Variants in ELF1 observed in about 807,000 individuals in gnomAD.
ELF1 encodes E74 like ETS transcription factor 1.
In ELF1, 24 loss-of-function variants were observed where a neutral mutation model predicts 59.9. The ratio of observed to expected loss-of-function variants is 0.40; its 90% confidence interval spans 0.29 to 0.56. ELF1 has a LOEUF of 0.56. Ranked by LOEUF, ELF1 falls within the 20% of genes least tolerant of loss-of-function variation. The pLI is 0.44. For synonymous variants in ELF1, 248 were observed against 266.2 expected (o/e 0.93, Z 0.67); for missense variants, 627 against 742.2 (o/e 0.84, Z 1.80).
Position 40,943,901 on chromosome 13 carries a change from G to C in ELF1, c.554C>G (p.Pro185Arg). Residue 185 changes from proline to arginine, a missense_variant, in exon 6 of 9, where the codon CCA becomes CGA. Physicochemically the swap from Pro to Arg is moderately radical, Grantham distance 103 (BLOSUM62 -2). This residue lies in a region of ELF1 where 232 missense variants were observed against 269.2 expected (regional missense o/e 0.86). Coordinates refer to ENST00000239882, the MANE Select transcript of ELF1 (RefSeq NM_172373.4). Reference sequence around the variant, plus strand: ...ATTTGGCGTAGTGGCTGGGGAATCTGGTCGTGGTGGTTTAGTTTTTCTTCC... The same window carrying C: ...ATTTGGCGTAGTGGCTGGGGAATCTCGTCGTGGTGGTTTAGTTTTTCTTCC... ...KKGRKTKPPR[P>R]DSPATTPNIS... 1 of 1,613,654 alleles carries C rather than the reference G, an allele frequency of 6.2e-7. No homozygotes were observed. The highest frequency in any genetic ancestry group is 8.5e-7 in the Non-Finnish European group (1 of 1,179,774).
chr13:41,036,529 T>G (rs1876387117), intron 1 of ELF1, among the ~76,000 whole-genome samples: 1 of 152,208 alleles, frequency 6.6e-6, no homozygotes, highest in Admixed American at 6.5e-5. Flanking sequence ...GTTCAACCAT[T>G]GTGGAAGACA....
intron 1 of ELF1, among the ~76,000 whole-genome samples, chr13:40,988,664 A>G (rs1055519014): frequency 3.9e-5 from 6 of 152,218 alleles, no homozygotes; most frequent in Admixed American, 3.3e-4. Flanking sequence ...TTACTATATC[A>G]TATCATCTTG....
chr13:41,016,309 G>T (rs1875357572), intron 1 of ELF1, among the ~76,000 whole-genome samples: 1 of 152,138 alleles, frequency 6.6e-6, no homozygotes, highest in Non-Finnish European at 1.5e-5. Flanking sequence ...CAGCAGTTAT[G>T]CATAAACCAT....
chr13:41,024,956 C>A (rs1033780348), intron 1 of ELF1, among the ~76,000 whole-genome samples: 5 of 152,122 alleles, frequency 3.3e-5, no homozygotes, highest in African/African-American at 1.2e-4. Context: ...TTAAATTCAC[C>A]CATCACTCTG....
chr13:40,945,576 T>C (rs951217609), intron 5 of ELF1, among the ~76,000 whole-genome samples: 1 of 152,230 alleles, frequency 6.6e-6, no homozygotes, highest in Admixed American at 6.5e-5. Context: ...AGATTTATTG[T>C]AGCTGAACTA....
At chr13:41,024,005 C>G (rs998333960), upstream of ELF1, among the ~76,000 whole-genome samples, 1 of 152,126 alleles carries the variant, frequency 6.6e-6, no homozygotes, top group African/African-American at 2.4e-5. Context: ...CTGGGTATTA[C>G]TGTTTCCTCT....
At chr13:41,006,181 G>C (rs1874745659) in intron 1 of ELF1, among the ~76,000 whole-genome samples, 1 of 139,834 alleles carries the variant, frequency 7.2e-6, no homozygotes, top group African/African-American at 2.5e-5. Context: ...TTTTTACCCA[G>C]TATTTTTCAA....
intron 1 of ELF1, among the ~76,000 whole-genome samples, chr13:41,029,050 G>C (rs1876062922): frequency 6.6e-6 from 1 of 152,068 alleles, no homozygotes; most frequent in Non-Finnish European, 1.5e-5. Context: ...GCCAAGTATT[G>C]TTAATTTTAC....
chr13:40,987,585 A>AG (rs1491411759), intron 1 of ELF1, among the ~76,000 whole-genome samples: 1 of 10,732 alleles, frequency 9.3e-5, no homozygotes, highest in Non-Finnish European at 1.6e-4. Flanking sequence ...ACTCTGTCTC[A>AG]AAAAAAAAAA....
intron 1 of ELF1, among the ~76,000 whole-genome samples, chr13:41,003,449 A>C (rs1420049895): frequency 6.6e-6 from 1 of 151,722 alleles, no homozygotes; most frequent in Non-Finnish European, 1.5e-5. Flanking sequence ...TTAAAAAGAC[A>C]TAGTAACTTC....
intron 1 of ELF1, among the ~76,000 whole-genome samples, chr13:41,060,507 AG>A (rs1877496604): frequency 6.6e-6 from 1 of 152,070 alleles, no homozygotes; most frequent in Admixed American, 6.5e-5. Flanking sequence ...CAGCCCCGTG[AG>A]CCGGAGGCGG....
intron 1 of ELF1, among the ~76,000 whole-genome samples, chr13:41,000,147 C>T (rs1319457934): frequency 1.3e-5 from 2 of 150,150 alleles, no homozygotes; most frequent in African/African-American, 4.9e-5. Flanking sequence ...CACCAGCATT[C>T]ACAAAATCTT....
At chr13:41,021,954 T>C (rs1278503032), upstream of ELF1, among the ~76,000 whole-genome samples, 1 of 152,202 alleles carries the variant, frequency 6.6e-6, no homozygotes, top group East Asian at 1.9e-4. Flanking sequence ...CTCTCATATA[T>C]TGCTGGTGGG....
chr13:40,972,577 T>C lies in ELF1; in HGVS notation c.72+9406A>G, dbSNP rs371655625. Among the ~76,000 whole-genome samples the C allele has an allele frequency of 9.6e-4, 146 of 152,340 alleles. 1 individual carries two copies. In the South Asian group the frequency reaches 0.017, roughly 17 times the overall value. Reference sequence around the variant, plus strand: ...TTATCCAGTGTAAGACAAGAGCTATTAAAGCTTTTTCTTGATTTATCTCAG... The same window carrying C: ...TTATCCAGTGTAAGACAAGAGCTATCAAAGCTTTTTCTTGATTTATCTCAG... On this transcript the variant is annotated intron_variant, in intron 2 of 8. Coordinates refer to ENST00000239882, the MANE Select transcript of ELF1 (RefSeq NM_172373.4).
At chr13:41,041,239 A>G (rs527592560) in intron 1 of ELF1, among the ~76,000 whole-genome samples, 1 of 150,282 alleles carries the variant, frequency 6.7e-6, no homozygotes, top group Non-Finnish European at 1.5e-5. Flanking sequence ...AGTAAGAAAA[A>G]AAGGATCAAG....
intron 5 of ELF1, among the ~76,000 whole-genome samples, chr13:40,944,542 C>T (rs1166541885): frequency 6.6e-6 from 1 of 152,154 alleles, no homozygotes; most frequent in East Asian, 1.9e-4. Context: ...TCACAACAAA[C>T]TTCATAGTTA....
At chr13:40,943,661 C>T (rs76099829) in intron 6 of ELF1, among the ~76,000 whole-genome samples, 181 bp downstream of exon 6, 1,639 of 152,234 alleles carry the variant, frequency 0.011, 26 homozygotes, top group East Asian at 0.052. Context: ...ATCACTCAAA[C>T]GAGTTTCTTG....
At chr13:41,002,326 T>G (rs1874498588) in intron 1 of ELF1, among the ~76,000 whole-genome samples, 1 of 152,122 alleles carries the variant, frequency 6.6e-6, no homozygotes, top group Non-Finnish European at 1.5e-5. Context: ...TTTTCCTATA[T>G]TTTAATAGTA....
intron 1 of ELF1, among the ~76,000 whole-genome samples, chr13:41,005,404 A>G (rs1388792741): frequency 7.3e-6 from 1 of 136,302 alleles, no homozygotes; most frequent in Non-Finnish European, 1.5e-5. Flanking sequence ...GTAACACTTG[A>G]CCACCTTGAT....
Sources: gnomAD v4.1 joint callset for allele counts (sites outside exome capture counted in the v4.1 genomes callset) on GRCh38, gnomAD v4.1.1 for gene constraint, gnomAD v4.1.1 regional missense constraint, MANE v1.5 for transcripts, NCBI Gene and HGNC (gene_info 2026-07-23, HGNC 2026-07-21) for gene names.